The following IFNAR1 variants were observed in gnomAD, a reference collection of about 807,000 sequenced individuals.
IFNAR1 encodes the protein interferon alpha/beta receptor 1.
In IFNAR1, 47 loss-of-function variants were observed where a neutral mutation model predicts 62.1. The observed-to-expected ratio is 0.76, with a 90% CI of 0.60 to 0.97. The LOEUF is 0.97. Among genes scored for constraint, IFNAR1 ranks in the 50% least tolerant of loss-of-function variants. IFNAR1 has a pLI of 0.00. For missense variants in IFNAR1, 638 were observed against 654.5 expected (o/e 0.97, Z 0.27); for synonymous variants, 219 against 226.9 (o/e 0.97, Z 0.31).
intron 5 of IFNAR1, among the ~76,000 whole-genome samples, chr21:33,345,013 C>T (rs186353859): frequency 0.048 from 7,306 of 152,100 alleles, 606 homozygotes; most frequent in African/African-American, 0.17. Context: ...GTCTCGAACT[C>T]CTGACCTCAG....
At chr21:33,335,469 T>C in intron 1 of IFNAR1, 55 bp from the exon 2 acceptor site, 1 of 1,027,098 alleles carries the variant, frequency 9.7e-7, no homozygotes, top group Non-Finnish European at 1.4e-6. Flanking sequence ...AGAATAACAT[T>C]TAGAATATCT....
At chr21:33,349,676 G>A in intron 8 of IFNAR1, 133 bp downstream of exon 8, 2 of 654,240 alleles carry the variant, frequency 3.1e-6, no homozygotes, top group East Asian at 2.9e-5. Flanking sequence ...TGTAATCCCA[G>A]CACTTCAGGA....
Position 33,355,500 on chromosome 21 carries a change from A to G in IFNAR1, c.1625A>G (p.Asp542Gly). 6.2e-7 allele frequency: 1 copy of G among 1,604,530 alleles called. No individual in the cohort carries two copies. Among genetic ancestry groups the G allele is most frequent in the Non-Finnish European group, 8.5e-7 (1 of 1,177,110 alleles). Residue 542 changes from aspartate to glycine, a missense_variant, in exon 11 of 11, where the codon GAT (aspartate) becomes GGT (glycine). By Grantham distance (94) the Asp-to-Gly change is moderately conservative. Transcript: ENST00000270139. Reference sequence around the variant, plus strand: ...GATTCAGGAAATTATTCTAATGAAGATGAAAGCGAAAGTAAAACAAGTGAA... The same window carrying G: ...GATTCAGGAAATTATTCTAATGAAGGTGAAAGCGAAAGTAAAACAAGTGAA... The part of the protein sequence containing the change: ...SQDSGNYSNE[D>G]ESESKTSEEL...
chr21:33,354,440 C>T (rs1568933989), intron 10 of IFNAR1, among the ~76,000 whole-genome samples: 1 of 152,148 alleles, frequency 6.6e-6, no homozygotes, highest in East Asian at 1.9e-4. Context: ...GAACGTAATT[C>T]CATTGTAAGT....
rs1233360473 is a variant in IFNAR1, at chr21:33,357,536, T to G, written c.*1987T>G. The G allele has an allele frequency of 6.6e-6, 1 of 151,090 alleles. No individual in the cohort carries two copies. Among genetic ancestry groups the G allele is most frequent in the African/African-American group, 2.5e-5 (1 of 40,464 alleles). The allele number at this position is 151,090 out of a possible 1,614,324, so 9.4% of individuals were successfully genotyped here. On this transcript the variant is annotated 3_prime_UTR_variant, in exon 11 of 11. Coordinates refer to ENST00000270139, the MANE Select transcript of IFNAR1 (RefSeq NM_000629.3). ...ATCTTTCTGACCAGAGGCTGTTTTT[T>G]TTTTTTTTTGAGACAGTCTCATTCT...
chr21:33,335,248 T>C (rs564909689), intron 1 of IFNAR1, among the ~76,000 whole-genome samples: 1 of 152,346 alleles, frequency 6.6e-6, no homozygotes, highest in East Asian at 1.9e-4. Flanking sequence ...AGAAAAATTC[T>C]ATTTTTATGC....
intron 1 of IFNAR1, among the ~76,000 whole-genome samples, chr21:33,331,535 T>C (rs1432973954): frequency 6.6e-6 from 1 of 152,142 alleles, no homozygotes; most frequent in Non-Finnish European, 1.5e-5. Context: ...GGACTAGTCC[T>C]CTAGAGCCTG....
At chr21:33,343,472 C>A in intron 4 of IFNAR1, 50 bp downstream of exon 4, 1 of 1,559,508 alleles carries the variant, frequency 6.4e-7, no homozygotes, top group Non-Finnish European at 8.8e-7. Context: ...AAAAATTAGG[C>A]GAATTAATCC....
At chr21:33,334,733 A>C (rs1253910427) in intron 1 of IFNAR1, 12 of 796,988 alleles carry the variant, frequency 1.5e-5, no homozygotes, top group Non-Finnish European at 2.7e-5. Context: ...AGTGATGCGC[A>C]GGGTGATCCA....
Position 33,333,769 on chromosome 21 carries a change from G to A in IFNAR1, c.77-1755G>A, listed in dbSNP as rs180907171. Among the ~76,000 whole-genome samples the A allele has an allele frequency of 1.0e-3, 155 of 151,716 alleles. No individual in the cohort carries two copies. The South Asian group carries it at 0.012, about 11-fold the overall frequency. On this transcript the variant is annotated intron_variant, in intron 1 of 10. Coordinates refer to ENST00000270139, the MANE Select transcript of IFNAR1 (RefSeq NM_000629.3). Reference sequence around the variant, plus strand: ...CTCCTGAGTAGCTGGGACTACAGGCGCCCGCTACCACGCCCGGCTAATTTT... The same window carrying A: ...CTCCTGAGTAGCTGGGACTACAGGCACCCGCTACCACGCCCGGCTAATTTT...
chr21:33,348,062 A>C (rs2083365898), intron 6 of IFNAR1, among the ~76,000 whole-genome samples: 1 of 152,202 alleles, frequency 6.6e-6, no homozygotes, highest in Non-Finnish European at 1.5e-5. Flanking sequence ...TAAGGAAACC[A>C]GTCAGGAGGC....
chr21:33,333,006 A>G (rs370205208), intron 1 of IFNAR1, among the ~76,000 whole-genome samples: 24 of 152,374 alleles, frequency 1.6e-4, no homozygotes, highest in African/African-American at 5.5e-4. Flanking sequence ...AGAAAGCTCA[A>G]TGATTCCCAA....
chr21:33,341,770 C>T (rs902396126), intron 3 of IFNAR1, among the ~76,000 whole-genome samples: 1 of 152,116 alleles, frequency 6.6e-6, no homozygotes, highest in African/African-American at 2.4e-5. Context: ...CAGCCTCTGC[C>T]TCCTGGGTTC....
intron 2 of IFNAR1, among the ~76,000 whole-genome samples, chr21:33,340,597 G>A (rs912892624): frequency 6.6e-6 from 1 of 151,574 alleles, no homozygotes; most frequent in Middle Eastern, 3.2e-3. Flanking sequence ...TTTCAATAAG[G>A]AAGATAAGAT....
At chr21:33,334,767 T>C in intron 1 of IFNAR1, 1 of 789,216 alleles carries the variant, frequency 1.3e-6, no homozygotes, top group Non-Finnish European at 2.3e-6. Flanking sequence ...CAGCTGGATG[T>C]CCAGACTGAG....
intron 8 of IFNAR1, among the ~76,000 whole-genome samples, chr21:33,351,506 G>A (rs950243474): frequency 3.3e-5 from 5 of 151,602 alleles, no homozygotes; most frequent in Admixed American, 2.6e-4. Context: ...GCCACTGAAC[G>A]TTAAGGCAGT....
rs1430973410 is a variant in IFNAR1, at chr21:33,358,248, T to A, written c.*2699T>A. 6.6e-6 allele frequency: 1 copy of A among 152,214 alleles called. No homozygotes were observed. Among genetic ancestry groups the A allele is most frequent in the African/African-American group, 2.4e-5 (1 of 41,462 alleles). The allele number at this position is 152,214 out of a possible 1,614,324, so 9.4% of individuals were successfully genotyped here. A position where few individuals can be genotyped will look rare whatever the true frequency, so the allele number is the denominator to read the frequency against. ...AAGGCAGTTGCATTCCACTCTGCAT[T>A]ATGTTCTACATGTTGCTTTATCAGT... On this transcript the variant is annotated 3_prime_UTR_variant, in exon 11 of 11. Coordinates refer to ENST00000270139, the MANE Select transcript of IFNAR1 (RefSeq NM_000629.3).
rs1339451969 is a variant in IFNAR1 at position 33,324,977 on chromosome 21, C to T, written c.-79C>T. On this transcript the variant is annotated 5_prime_UTR_variant, in exon 1 of 11. Coordinates refer to ENST00000270139, the MANE Select transcript of IFNAR1 (RefSeq NM_000629.3). ...GCGCGTGTGCAGAGGGGCGGTGTGA[C>T]TTAGGACGGGGCGATGGCGGCTGAG... 5.0e-5 allele frequency: 68 copies of T among 1,348,338 alleles called. No homozygotes were observed. Among genetic ancestry groups the T allele is most frequent in the Non-Finnish European group, 6.2e-6 (6 of 966,950 alleles). The allele number at this position is 1,348,338 out of a possible 1,614,324, so 83.5% of individuals were successfully genotyped here.
intron 1 of IFNAR1, among the ~76,000 whole-genome samples, chr21:33,332,209 G>A (rs1426386880): frequency 6.6e-6 from 1 of 152,160 alleles, no homozygotes; most frequent in Non-Finnish European, 1.5e-5. Flanking sequence ...TCAACACTGA[G>A]AACATTAACA....
Sources: gnomAD v4.1 joint callset for allele counts (sites outside exome capture counted in the v4.1 genomes callset) on GRCh38, gnomAD v4.1.1 for gene constraint, MANE v1.5 for transcripts, NCBI Gene and HGNC (gene_info 2026-07-23, HGNC 2026-07-21) for gene names.